CACNA2D1: variants seen among roughly 807,000 people sequenced by gnomAD.
CACNA2D1 encodes the protein voltage-dependent calcium channel subunit alpha-2/delta-1.
CACNA2D1 carries 53 observed loss-of-function variants against 171.5 expected under a neutral mutation model. The ratio of observed to expected loss-of-function variants is 0.31; its 90% confidence interval spans 0.25 to 0.39. CACNA2D1 has a LOEUF of 0.39. Among genes scored for constraint, CACNA2D1 ranks in the 10% least tolerant of loss-of-function variants. The pLI is 1.00. For missense variants in CACNA2D1, 903 were observed against 1,299.8 expected, an observed-to-expected ratio of 0.69 and a Z score of 4.69; for synonymous variants, 442 against 443.1, an observed-to-expected ratio of 1.00 and a Z score of 0.03.
chr7:82,086,205 T>G (rs1810470768), intron 6 of CACNA2D1, among the ~76,000 whole-genome samples: 1 of 152,254 alleles, frequency 6.6e-6, no homozygotes, highest in South Asian at 2.1e-4. Flanking sequence ...CACAAGCCTT[T>G]TTAAAGGTAA....
intron 31 of CACNA2D1, 83 bp downstream of exon 31, chr7:81,967,086 C>A: frequency 2.1e-6 from 2 of 945,096 alleles, no homozygotes; most frequent in Non-Finnish European, 3.3e-6. Context: ...AAAATTCCTG[C>A]ATATTTTTTC....
chr7:82,026,362 CCTTT>C lies in CACNA2D1; in HGVS notation c.1143+6431_1143+6434del, dbSNP rs1282368255. Among the ~76,000 whole-genome samples, 4 of 151,348 alleles carry C rather than the reference CCTTT, an allele frequency of 2.6e-5. No homozygotes were observed. The East Asian group carries it at 5.8e-4, about 22-fold the overall frequency. ...ATTTTTCTTTTGTATTTTCTTTCTTCCTTTATGTTTGTCATTTTGATATTTTAAA... is the reference window on the plus strand; with the variant it reads ...ATTTTTCTTTTGTATTTTCTTTCTTCATGTTTGTCATTTTGATATTTTAAA... On this transcript the variant is annotated intron_variant, in intron 12 of 38. Transcript: ENST00000356860.
At chr7:82,340,663 A>G (rs1268586715) in intron 2 of CACNA2D1, among the ~76,000 whole-genome samples, 1 of 152,188 alleles carries the variant, frequency 6.6e-6, no homozygotes, top group Non-Finnish European at 1.5e-5. Context: ...TGTGAGCAAC[A>G]TACAATTTCC....
chr7:82,169,713 G>A (rs1795821192), intron 4 of CACNA2D1, among the ~76,000 whole-genome samples: 1 of 152,056 alleles, frequency 6.6e-6, no homozygotes, highest in Admixed American at 6.6e-5. Flanking sequence ...TTTAAATGTG[G>A]GAAGGTAGAG....
chr7:82,132,407 G>A (rs151139685), intron 5 of CACNA2D1, among the ~76,000 whole-genome samples: 3,263 of 152,280 alleles, frequency 0.021, 49 homozygotes, highest in Non-Finnish European at 0.034. Flanking sequence ...CATGGGTCAA[G>A]GGTTGGGAGG....
intron 12 of CACNA2D1, among the ~76,000 whole-genome samples, chr7:82,016,388 G>T (rs1203003049): frequency 6.6e-6 from 1 of 151,914 alleles, no homozygotes; most frequent in African/African-American, 2.4e-5. Flanking sequence ...CGGAAGCATG[G>T]CTTTGCCTAG....
In CACNA2D1 at chr7:81,974,313, T is replaced by C. The variant is rs563319444; in HGVS notation, c.2053+142A>G. 1.8e-4 allele frequency: 97 copies of C among 539,034 alleles called. No homozygotes were observed. In the East Asian group the frequency reaches 1.8e-3, roughly 10 times the overall value. 33.4% of individuals were successfully genotyped at this position (539,034 alleles called of 1,614,324 possible). On this transcript the variant is annotated intron_variant, in intron 25 of 38. Transcript: ENST00000356860. ...TTAGTTTGCAAAATTAAGGATCAAATTGTTACATTTTACTATTAAAAAGTT... is the reference window on the plus strand; with the variant it reads ...TTAGTTTGCAAAATTAAGGATCAAACTGTTACATTTTACTATTAAAAAGTT...
intron 7 of CACNA2D1, among the ~76,000 whole-genome samples, chr7:82,074,416 T>G (rs980564247): frequency 1.3e-5 from 2 of 151,872 alleles, no homozygotes; most frequent in African/African-American, 2.4e-5. Flanking sequence ...TTAGTAGAGA[T>G]GAGGTTGCAC....
At chr7:82,101,989 T>C (rs1242241008) in intron 6 of CACNA2D1, among the ~76,000 whole-genome samples, 4 of 152,158 alleles carry the variant, frequency 2.6e-5, no homozygotes, top group African/African-American at 9.7e-5. Context: ...TCAGGTAATA[T>C]ATTGATCTGT....
chr7:82,415,675 T>C (rs1444545865), intron 1 of CACNA2D1, among the ~76,000 whole-genome samples: 1 of 152,182 alleles, frequency 6.6e-6, no homozygotes, highest in Non-Finnish European at 1.5e-5. Flanking sequence ...CTTTGAATTT[T>C]GTCTTTAGCT....
intron 3 of CACNA2D1, among the ~76,000 whole-genome samples, chr7:82,209,440 T>C (rs750025903): frequency 3.3e-5 from 5 of 152,114 alleles, no homozygotes; most frequent in Non-Finnish European, 7.4e-5. Flanking sequence ...AGAGCCACAA[T>C]AGACCTTGGT....
chr7:82,245,115 AAAGC>A (rs1804749467), intron 3 of CACNA2D1, among the ~76,000 whole-genome samples: 1 of 152,214 alleles, frequency 6.6e-6, no homozygotes, highest in Non-Finnish European at 1.5e-5. Context: ...ATTTTCTAAC[AAAGC>A]ATAAAGCTTC....
chr7:82,312,178 T>G (rs1463138032), intron 3 of CACNA2D1, among the ~76,000 whole-genome samples: 4 of 152,210 alleles, frequency 2.6e-5, no homozygotes, highest in Non-Finnish European at 5.9e-5. Context: ...TAAAACGTAT[T>G]TTATAAATAA....
Position 82,061,272 on chromosome 7 carries a change from C to T in CACNA2D1, c.780-745G>A, listed in dbSNP as rs531926606. ...TCTCAGCCATCCAATTTGTTCTTCC[C>T]TCTCAACCTTCCTGTGCATTCAGGC... On this transcript the variant is annotated intron_variant, in intron 9 of 38. Transcript: ENST00000356860. Among the ~76,000 whole-genome samples, 433 of 152,156 alleles carry T rather than the reference C, an allele frequency of 2.8e-3. 2 individuals are homozygous for T. Among genetic ancestry groups the T allele is most frequent in the Non-Finnish European group, 4.8e-3 (324 of 68,002 alleles).
Position 81,994,925 on chromosome 7 carries a change from C to T in CACNA2D1, c.1677G>A (p.Met559Ile). ...NDIKVEIRNK[M>I]IDGESGEKTF... ...TTTTTTCTCCACTTTCCCCATCAAT[C>T]ATCTTATTTCGAATCTAAGAGTAAA... The change falls in exon 20 of 39, where the codon ATG becomes ATA. Residue 559 changes from methionine (M) to isoleucine (I), a missense_variant. This residue lies in a region of CACNA2D1 where 623 missense variants were observed against 925.5 expected (regional missense o/e 0.67). Transcript: ENST00000356860. The T allele has an allele frequency of 1.3e-6, 2 of 1,538,208 alleles. No individual in the cohort carries two copies. Among genetic ancestry groups the T allele is most frequent in the Non-Finnish European group, 1.8e-6 (2 of 1,111,166 alleles).
intron 1 of CACNA2D1, among the ~76,000 whole-genome samples, chr7:82,420,484 C>T (rs1326364009): frequency 1.3e-5 from 2 of 151,984 alleles, no homozygotes; most frequent in Non-Finnish European, 1.5e-5. Context: ...TTTTTCCACC[C>T]TTAAATATGA....
chr7:82,362,727 G>A (rs1305498895), intron 1 of CACNA2D1, among the ~76,000 whole-genome samples: 3 of 152,096 alleles, frequency 2.0e-5, no homozygotes, highest in Non-Finnish European at 4.4e-5. Context: ...TCTTGTAAGC[G>A]AACCTTGAAC....
intron 24 of CACNA2D1, among the ~76,000 whole-genome samples, chr7:81,976,085 G>T (rs1447564158): frequency 6.6e-6 from 1 of 151,728 alleles, no homozygotes; most frequent in Non-Finnish European, 1.5e-5. Context: ...ACTCTGGGAT[G>T]CAGTAGCACT....
In CACNA2D1 at chr7:82,402,619, G is replaced by C. The variant is rs564220772; in HGVS notation, c.95+40746C>G. Among the ~76,000 whole-genome samples the C allele has an allele frequency of 6.1e-5, 9 of 147,562 alleles. 1 individual carries two copies. The South Asian group carries it at 1.9e-3, about 32-fold the overall frequency. On this transcript the variant is annotated intron_variant, in intron 1 of 38. Coordinates refer to ENST00000356860, the MANE Select transcript of CACNA2D1 (RefSeq NM_000722.4). ...CCAGCTATTCGGGAGGCTGAGGCAG[G>C]AGAATCGCTTGAACCCAGGAGGCGG... is the stretch of plus-strand genomic sequence containing the variant.
Sources: gnomAD v4.1 joint callset for allele counts (sites outside exome capture counted in the v4.1 genomes callset) on GRCh38, gnomAD v4.1.1 for gene constraint, gnomAD v4.1.1 regional missense constraint, MANE v1.5 for transcripts, NCBI Gene and HGNC (gene_info 2026-07-23, HGNC 2026-07-21) for gene names.